ATRNL1: variants seen among roughly 807,000 people sequenced by gnomAD.
The protein encoded by ATRNL1 is attractin like 1.
In ATRNL1, 95 loss-of-function variants were observed where a neutral mutation model predicts 182.7. The observed-to-expected ratio is 0.52, with a 90% CI of 0.44 to 0.62. ATRNL1 has a LOEUF of 0.62. Among genes scored for constraint, ATRNL1 ranks in the 20% least tolerant of loss-of-function variants. The pLI is 0.00. For missense variants in ATRNL1, 1,471 were observed against 1,679.5 expected (o/e 0.88, Z 2.17); for synonymous variants, 576 against 568.3 (o/e 1.01, Z -0.19).
chr10:115,365,513 T>C lies in ATRNL1; in HGVS notation c.3176-29146T>C, dbSNP rs182439234. Among the ~76,000 whole-genome samples, 759 of 152,342 alleles carry C rather than the reference T, an allele frequency of 5.0e-3. 4 individuals carry two copies. The highest frequency in any genetic ancestry group is 0.016 in the African/African-American group (670 of 41,580). On this transcript the variant is annotated intron_variant, in intron 19 of 28. Coordinates refer to ENST00000355044, the MANE Select transcript of ATRNL1 (RefSeq NM_207303.4). ...TTTTTTGAAGGGTTTTTTGTGTCTC[T>C]ATTTCCTTCAATTCTGCTCTGATTT...
intron 8 of ATRNL1, among the ~76,000 whole-genome samples, chr10:115,193,981 C>T (rs1488261806): frequency 1.3e-5 from 2 of 151,698 alleles, no homozygotes; most frequent in African/African-American, 4.8e-5. Context: ...AGAAGCATTT[C>T]CATGAGTTTG....
chr10:115,694,495 A>AGT (rs200338347), intron 26 of ATRNL1, among the ~76,000 whole-genome samples: 1,759 of 152,210 alleles, frequency 0.012, 33 homozygotes, highest in African/African-American at 0.04. Context: ...ACTTTTCATA[A>AGT]TGTAAACAGC....
At chr10:115,119,431 GT>G (rs1844631997) in intron 1 of ATRNL1, among the ~76,000 whole-genome samples, 1 of 151,892 alleles carries the variant, frequency 6.6e-6, no homozygotes, top group African/African-American at 2.4e-5. Context: ...GTATATAAAT[GT>G]TAAATGGGAA....
chr10:115,635,022 T>G (rs1858771969), intron 26 of ATRNL1, among the ~76,000 whole-genome samples: 1 of 152,160 alleles, frequency 6.6e-6, no homozygotes, highest in African/African-American at 2.4e-5. Context: ...TAAAAGATGT[T>G]ATAAATCTAA....
chr10:115,904,869 T>C (rs1040157014), intron 28 of ATRNL1, among the ~76,000 whole-genome samples: 7 of 152,186 alleles, frequency 4.6e-5, no homozygotes, highest in African/African-American at 1.4e-4. Context: ...TTTAAAAATA[T>C]ATATCCACAG....
At chr10:115,539,887 A>G (rs1272711762) in intron 25 of ATRNL1, among the ~76,000 whole-genome samples, 1 of 150,582 alleles carries the variant, frequency 6.6e-6, no homozygotes, top group Non-Finnish European at 1.5e-5. Flanking sequence ...AAAAGTGTGT[A>G]GTTTCTGACC....
chr10:115,308,746 A>G (rs74356757), intron 17 of ATRNL1, among the ~76,000 whole-genome samples: 467 of 152,198 alleles, frequency 3.1e-3, no homozygotes, highest in Non-Finnish European at 5.0e-3. Context: ...TTTGCTGTGT[A>G]GAAGCTTTTG....
intron 28 of ATRNL1, among the ~76,000 whole-genome samples, chr10:115,860,096 T>C (rs1452011182): frequency 6.6e-6 from 1 of 152,174 alleles, no homozygotes; most frequent in African/African-American, 2.4e-5. Context: ...GTTCATCTTC[T>C]TCCTTAGGAG....
At chr10:115,861,336 G>A (rs1951311839) in intron 28 of ATRNL1, among the ~76,000 whole-genome samples, 1 of 152,046 alleles carries the variant, frequency 6.6e-6, no homozygotes, top group Non-Finnish European at 1.5e-5. Context: ...TTTCTGTAGG[G>A]GCTAAATTGT....
At chr10:115,609,150 A>G (rs1857020138) in intron 26 of ATRNL1, among the ~76,000 whole-genome samples, 1 of 152,144 alleles carries the variant, frequency 6.6e-6, no homozygotes, top group African/African-American at 2.4e-5. Flanking sequence ...AAAATTCCAA[A>G]TTATTTGTTA....
At chr10:115,539,468 T>C (rs1480211995) in intron 25 of ATRNL1, among the ~76,000 whole-genome samples, 3 of 152,196 alleles carry the variant, frequency 2.0e-5, no homozygotes, top group Non-Finnish European at 4.4e-5. Context: ...GAATTCAAAG[T>C]ACTGGTGAAC....
chr10:115,153,218 G>T (rs1233097537), intron 5 of ATRNL1, among the ~76,000 whole-genome samples: 2 of 152,164 alleles, frequency 1.3e-5, no homozygotes, highest in Non-Finnish European at 2.9e-5. Flanking sequence ...GTATCAGGAT[G>T]ATGCTGGCCT....
intron 10 of ATRNL1, among the ~76,000 whole-genome samples, chr10:115,245,279 A>G (rs1554903786): frequency 6.6e-6 from 1 of 151,960 alleles, no homozygotes; most frequent in Non-Finnish European, 1.5e-5. Flanking sequence ...CAGGCTGATC[A>G]CCTGAGGTCG....
intron 27 of ATRNL1, among the ~76,000 whole-genome samples, chr10:115,826,732 G>A (rs1950442836): frequency 6.6e-6 from 1 of 152,172 alleles, no homozygotes; most frequent in Non-Finnish European, 1.5e-5. Flanking sequence ...GTGAAGCTGA[G>A]TCCGGGGTTT....
At chr10:115,304,603 T>G (rs1853635776) in intron 17 of ATRNL1, among the ~76,000 whole-genome samples, 1 of 152,122 alleles carries the variant, frequency 6.6e-6, no homozygotes, top group Non-Finnish European at 1.5e-5. Context: ...GGCAGGTATA[T>G]GTAGAGGCTG....
At chr10:115,614,422 T>G (rs1857326967) in intron 26 of ATRNL1, among the ~76,000 whole-genome samples, 1 of 152,188 alleles carries the variant, frequency 6.6e-6, no homozygotes. Flanking sequence ...TCAATATTTG[T>G]TGATGCTTGT....
chr10:115,191,858 T>C (rs1564809298), intron 8 of ATRNL1, among the ~76,000 whole-genome samples: 1 of 152,106 alleles, frequency 6.6e-6, no homozygotes, highest in Non-Finnish European at 1.5e-5. Flanking sequence ...TGGGCAGTTC[T>C]TTATAGCAGT....
In ATRNL1 at chr10:115,702,527, A is replaced by G. The variant is rs547070490; in HGVS notation, c.3796-24721A>G. On this transcript the variant is annotated intron_variant, in intron 26 of 28. Coordinates refer to ENST00000355044, the MANE Select transcript of ATRNL1 (RefSeq NM_207303.4). ...ATACTTAGGAAACACTAATGACTCT[A>G]TACTTAGAAAACACTAAAGACTCCA... Among the ~76,000 whole-genome samples, 5 of 151,954 alleles carry G rather than the reference A, an allele frequency of 3.3e-5. No homozygotes were observed. The East Asian group carries it at 9.7e-4, about 29-fold the overall frequency.
At chr10:115,424,222 T>G (rs1276965478) in intron 20 of ATRNL1, among the ~76,000 whole-genome samples, 2 of 151,996 alleles carry the variant, frequency 1.3e-5, no homozygotes, top group Non-Finnish European at 2.9e-5. Context: ...ATCAAAATCA[T>G]GATGAGATAC....
Sources: allele counts gnomAD v4.1 joint callset (sites outside exome capture counted in the v4.1 genomes callset), GRCh38; gene constraint gnomAD v4.1.1; transcripts MANE v1.5; gene names NCBI Gene and HGNC (gene_info 2026-07-23, HGNC 2026-07-21).